IQGAP1: variants seen among roughly 807,000 people sequenced by gnomAD.
IQGAP1 encodes the protein ras GTPase-activating-like protein IQGAP1.
Under a neutral mutation model 215.6 loss-of-function variants are expected in IQGAP1, and 66 were observed. That is an observed-to-expected ratio of 0.31 (90% CI 0.25 to 0.38). The LOEUF is 0.38. Ranked by LOEUF, IQGAP1 falls within the 10% of genes least tolerant of loss-of-function variation. The pLI is 1.00. For missense variants in IQGAP1, 1,712 were observed against 1,997.1 expected (o/e 0.86, Z 2.72); for synonymous variants, 772 against 728.7 (o/e 1.06, Z -0.96).
intron 2 of IQGAP1, among the ~76,000 whole-genome samples, chr15:90,405,554 G>C (rs569600886): frequency 1.3e-5 from 2 of 152,128 alleles, no homozygotes; most frequent in Non-Finnish European, 2.9e-5. Context: ...GGTATATTGT[G>C]CTGTGACATT....
chr15:90,477,047 A>C lies in IQGAP1; in HGVS notation c.2941-20A>C, dbSNP rs756181805. ...CCTTTATATTACCTACAAATGACTTATCCCTTGGTTTTATTTCAGACCAAT... is the reference window on the plus strand; with the variant it reads ...CCTTTATATTACCTACAAATGACTTCTCCCTTGGTTTTATTTCAGACCAAT... On this transcript the variant is annotated intron_variant, in intron 24 of 37. Transcript: ENST00000268182. 1.2e-6 allele frequency: 2 copies of C among 1,611,722 alleles called. No homozygotes were observed. The highest frequency in any genetic ancestry group is 3.3e-5 in the Admixed American group (2 of 59,712).
chr15:90,450,330 C>CTTTTTTTTTTTTT (rs869037347), intron 11 of IQGAP1, among the ~76,000 whole-genome samples: 2 of 54,424 alleles, frequency 3.7e-5, no homozygotes, highest in Non-Finnish European at 6.4e-5. Flanking sequence ...TATACACTAC[C>CTTTTTTTTTTTTT]TTTTTTTTTT....
chr15:90,481,232 T>C (rs1243096700), intron 26 of IQGAP1, among the ~76,000 whole-genome samples: 1 of 151,308 alleles, frequency 6.6e-6, no homozygotes, highest in Non-Finnish European at 1.5e-5. Flanking sequence ...CATTGCCTTC[T>C]CTTCCCCTTC....
rs148792861 is a variant in IQGAP1, at chr15:90,497,262, A to G, written c.4782A>G (p.Pro1594=). ...QFKNVIFEIS[P]TEEVGDFEVK... The stretch of plus-strand genomic sequence containing the variant: ...AAAATGTTATATTTGAAATCAGTCC[A>G]ACAGAAGAAGTTGGAGACTTCGAAG... Residue 1594 remains proline, a synonymous_variant, in exon 37 of 38, where the codon CCA becomes CCG. Coordinates refer to ENST00000268182, the MANE Select transcript of IQGAP1 (RefSeq NM_003870.4). 8.1e-6 allele frequency: 13 copies of G among 1,605,880 alleles called. No individual in the cohort carries two copies. In the African/African-American group the frequency reaches 1.7e-4, roughly 21 times the overall value.
At position 90,467,427 on chromosome 15, in the gene IQGAP1, A is replaced by G. The variant is rs367967352; in HGVS notation, c.2036-23A>G. 7.4e-5 allele frequency: 118 copies of G among 1,603,258 alleles called. No homozygotes were observed. In the East Asian group the frequency reaches 8.5e-4, roughly 12 times the overall value. Reference sequence around the variant, plus strand: ...GGGAGTGTGGCTCTGGATGTCTTCTATCTTTCCTTTATTTTCTGCCAGGAG... The same window carrying G: ...GGGAGTGTGGCTCTGGATGTCTTCTGTCTTTCCTTTATTTTCTGCCAGGAG... On this transcript the variant is annotated intron_variant, in intron 17 of 37. Transcript: ENST00000268182.
intron 14 of IQGAP1, among the ~76,000 whole-genome samples, chr15:90,454,913 T>C (rs922827142): frequency 6.6e-6 from 1 of 152,218 alleles, no homozygotes; most frequent in African/African-American, 2.4e-5. Flanking sequence ...AGCTGCAGGG[T>C]TCCCAGGCCA....
At chr15:90,432,658 A>C (rs1309011138) in intron 4 of IQGAP1, among the ~76,000 whole-genome samples, 1 of 152,110 alleles carries the variant, frequency 6.6e-6, no homozygotes, top group African/African-American at 2.4e-5. Context: ...ACACATCATG[A>C]TTATTTTTGC....
chr15:90,478,017 G>A (rs1966004713), intron 26 of IQGAP1, 128 bp downstream of exon 26: 2 of 681,166 alleles, frequency 2.9e-6, no homozygotes, highest in East Asian at 2.7e-5. Flanking sequence ...TTTAGACAGA[G>A]TTTCACTCTT....
At chr15:90,450,980 G>C (rs1016962825) in intron 11 of IQGAP1, among the ~76,000 whole-genome samples, 1 of 151,982 alleles carries the variant, frequency 6.6e-6, no homozygotes, top group South Asian at 2.1e-4. Context: ...ACATAGTCCT[G>C]TTTGTCTATT....
chr15:90,415,537 T>G (rs190260535), intron 2 of IQGAP1, among the ~76,000 whole-genome samples: 92 of 152,310 alleles, frequency 6.0e-4, no homozygotes, highest in African/African-American at 2.2e-3. Context: ...TAAAAAATTC[T>G]CTAATCCATT....
At chr15:90,449,465 C>G (rs1383323999) in intron 10 of IQGAP1, 94 bp from the exon 11 acceptor site, 7 of 1,015,426 alleles carry the variant, frequency 6.9e-6, no homozygotes, top group African/African-American at 6.4e-5. Context: ...ATGGCTCTCT[C>G]TGTCCCTAGT....
rs189773670 is a variant in IQGAP1, at chr15:90,491,196, G to A, written c.4249-137G>A. 9.4e-5 allele frequency: 63 copies of A among 669,752 alleles called. No homozygotes were observed. The African/African-American group carries it at 1.0e-3, about 11-fold the overall frequency. The allele number at this position is 669,752 out of a possible 1,614,324, so 41.5% of individuals were successfully genotyped here. On this transcript the variant is annotated intron_variant, in intron 33 of 37. Coordinates refer to ENST00000268182, the MANE Select transcript of IQGAP1 (RefSeq NM_003870.4). ...GCAATTTTTCATCTATCATTTGGCA[G>A]GGGGCAGAATTTGTTTCCTTCTGTT... is the stretch of plus-strand genomic sequence containing the variant.
intron 15 of IQGAP1, among the ~76,000 whole-genome samples, chr15:90,457,880 T>A (rs1490240065): frequency 6.6e-6 from 1 of 152,180 alleles, no homozygotes; most frequent in African/African-American, 2.4e-5. Context: ...TCATGAAGGT[T>A]TTTTGTGACA....
rs1965626664 is a variant in IQGAP1 at position 90,452,958 on chromosome 15, C to T, written c.1326+20C>T. On this transcript the variant is annotated intron_variant, in intron 12 of 37. Transcript: ENST00000268182. Reference sequence around the variant, plus strand: ...CCTGAAGTGAGTTCACTAAACCTGTCCTGTTTGTGAGCAAAGTTGGGTGGA... The same window carrying T: ...CCTGAAGTGAGTTCACTAAACCTGTTCTGTTTGTGAGCAAAGTTGGGTGGA... 6.2e-7 allele frequency: 1 copy of T among 1,611,662 alleles called. No individual in the cohort carries two copies. The highest frequency in any genetic ancestry group is 1.7e-5 in the Admixed American group (1 of 59,884).
intron 2 of IQGAP1, among the ~76,000 whole-genome samples, chr15:90,415,715 GTAATTGT>G (rs1341138430): frequency 2.0e-5 from 3 of 152,162 alleles, no homozygotes; most frequent in East Asian, 3.9e-4. Context: ...TTCTACCTTT[GTAATTGT>G]TAATCATTCT....
intron 5 of IQGAP1, among the ~76,000 whole-genome samples, chr15:90,438,904 T>C (rs1011524664): frequency 8.6e-5 from 13 of 151,994 alleles, no homozygotes; most frequent in African/African-American, 3.1e-4. Flanking sequence ...TTTGTATTTT[T>C]AGTAGAGACA....
intron 18 of IQGAP1, among the ~76,000 whole-genome samples, chr15:90,470,006 T>C (rs780249562): frequency 5.9e-5 from 9 of 152,174 alleles, no homozygotes; most frequent in Non-Finnish European, 1.2e-4. Context: ...TTTTTAACTC[T>C]TGTTAGTTCA....
rs139720303 is a variant in IQGAP1 at position 90,428,313 on chromosome 15, G to C, written c.313-1276G>C. ...GTTGGTCTCCAACTCCTGGGCTTAA[G>C]TTATCCTCCCACCTTGGCCTCTCAA... is the stretch of plus-strand genomic sequence containing the variant. On this transcript the variant is annotated intron_variant, in intron 3 of 37. Transcript: ENST00000268182. Among the ~76,000 whole-genome samples the C allele has an allele frequency of 7.9e-3, 1,197 of 152,162 alleles. 17 individuals are homozygous for C. Among genetic ancestry groups the C allele is most frequent in the African/African-American group, 0.027 (1,141 of 41,520 alleles).
Position 90,495,376 on chromosome 15 carries a change from A to AG in IQGAP1, c.4751+548dup, listed in dbSNP as rs562516446. Reference sequence around the variant, plus strand: ...GATCTTTCTCTTCTTTTGTCTGTTTAGGGGGGGAAAAAAAACAACTTTTAA... The same window carrying AG: ...GATCTTTCTCTTCTTTTGTCTGTTTAGGGGGGGGAAAAAAAACAACTTTTAA... On this transcript the variant is annotated intron_variant, in intron 36 of 37. Coordinates refer to ENST00000268182, the MANE Select transcript of IQGAP1 (RefSeq NM_003870.4). 2.9e-4 allele frequency among the ~76,000 whole-genome samples: 42 copies of AG among 145,200 alleles called. No individual in the cohort carries two copies. In the South Asian group the frequency reaches 7.9e-3, roughly 27 times the overall value.
Sources: gnomAD v4.1 joint callset for allele counts (sites outside exome capture counted in the v4.1 genomes callset) on GRCh38, gnomAD v4.1.1 for gene constraint, MANE v1.5 for transcripts, NCBI Gene and HGNC (gene_info 2026-07-23, HGNC 2026-07-21) for gene names.